Variants in PCNX4 observed in about 807,000 individuals in gnomAD.
The protein encoded by PCNX4 is pecanex 4.
Under a neutral mutation model 107.2 loss-of-function variants are expected in PCNX4, and 103 were observed. That is an observed-to-expected ratio of 0.96 (90% CI 0.82 to 1.13). The LOEUF (loss-of-function observed/expected upper bound fraction) is 1.13. Among genes scored for constraint, PCNX4 ranks in the 50% most tolerant of loss-of-function variants. The pLI, the probability that PCNX4 is intolerant of heterozygous loss-of-function variation, is 0.00. For synonymous variants in PCNX4, 541 were observed against 481.7 expected (o/e 1.12, Z -1.61); for missense variants, 1,528 against 1,379.4 (o/e 1.11, Z -1.71).
Position 60,125,141 on chromosome 14 carries a change from T to G in PCNX4, c.2970T>G (p.Pro990=), listed in dbSNP as rs1192802084. Residue 990 remains proline, a synonymous_variant, in exon 9 of 11, where the codon CCT becomes CCG. Coordinates refer to ENST00000406854, the MANE Select transcript of PCNX4 (RefSeq NM_001330177.2). ...TATTTGGAATAGACAATATGGCTCCTAGTCCTGGTCATATATTGAGAGTTT... is the reference window on the plus strand; with the variant it reads ...TATTTGGAATAGACAATATGGCTCCGAGTCCTGGTCATATATTGAGAGTTT... ...FSLFGIDNMA[P]SPGHILRVYG... is the part of the protein sequence containing the mutation. 3 of 1,612,984 alleles carry G rather than the reference T, an allele frequency of 1.9e-6. No homozygotes were observed. The highest frequency in any genetic ancestry group is 2.5e-6 in the Non-Finnish European group (3 of 1,179,358).
chr14:60,135,486 C>T lies in PCNX4; in HGVS notation c.*1265C>T, dbSNP rs1045365057. ...AATTTACATGATTGAGATTTGCTAG[C>T]TGTACACCTTTATATCTTTGTCATG... On this transcript the variant is annotated 3_prime_UTR_variant, in exon 11 of 11. Coordinates refer to ENST00000406854, the MANE Select transcript of PCNX4 (RefSeq NM_001330177.2). 1.3e-5 allele frequency: 2 copies of T among 151,946 alleles called. No homozygotes were observed. The highest frequency in any genetic ancestry group is 4.8e-5 in the African/African-American group (2 of 41,374). 9.4% of individuals were successfully genotyped at this position (151,946 alleles called of 1,614,324 possible).
intron 1 of PCNX4, among the ~76,000 whole-genome samples, chr14:60,099,470 T>C (rs529336061): frequency 6.6e-6 from 1 of 152,344 alleles, no homozygotes; most frequent in East Asian, 1.9e-4. Flanking sequence ...TTATCTTTCT[T>C]GCTTAATAAT....
chr14:60,104,380 T>C (rs1031475269), intron 1 of PCNX4, among the ~76,000 whole-genome samples: 1 of 151,890 alleles, frequency 6.6e-6, no homozygotes, highest in Non-Finnish European at 1.5e-5. Context: ...CAGCTTCCGT[T>C]TAAGACAGCA....
chr14:60,139,919 C>T lies in PCNX4; in HGVS notation c.*5698C>T, dbSNP rs1476604106. ...CTTATGGTAGACGCCTAAAGCCATG[C>T]TTAGAAGGAAATTTATAGTCTTAAA... On this transcript the variant is annotated 3_prime_UTR_variant, in exon 11 of 11. Coordinates refer to ENST00000406854, the MANE Select transcript of PCNX4 (RefSeq NM_001330177.2). The T allele has an allele frequency of 6.7e-6, 1 of 150,202 alleles. No individual in the cohort carries two copies. The highest frequency in any genetic ancestry group is 1.5e-5 in the Non-Finnish European group (1 of 67,634). The allele number at this position is 150,202 out of a possible 1,614,324, so 9.3% of individuals were successfully genotyped here.
At chr14:60,130,869 A>C (rs1050058277) in intron 10 of PCNX4, among the ~76,000 whole-genome samples, 21 of 152,138 alleles carry the variant, frequency 1.4e-4, no homozygotes, top group African/African-American at 4.1e-4. Context: ...TGGGAGGCCG[A>C]GGCAGGCGGA....
rs555097969 is a variant in PCNX4 at position 60,105,846 on chromosome 14, AC to A, written c.-53-1739del. On this transcript the variant is annotated intron_variant, in intron 1 of 10. Coordinates refer to ENST00000406854, the MANE Select transcript of PCNX4 (RefSeq NM_001330177.2). ...TATCTCAGTAGAGCCAGAAGGGCCA[AC>A]TTTTACCTAACTCCTTGGGGAAATT... Among the ~76,000 whole-genome samples the A allele has an allele frequency of 2.0e-3, 311 of 152,354 alleles. 3 individuals carry two copies. Among genetic ancestry groups the A allele is most frequent in the Non-Finnish European group, 3.1e-3 (213 of 68,046 alleles).
intron 7 of PCNX4, 26 bp from the exon 8 acceptor site, chr14:60,121,170 T>G: frequency 1.3e-6 from 2 of 1,505,986 alleles, no homozygotes; most frequent in Non-Finnish European, 1.8e-6. Flanking sequence ...TCTTTTTTTT[T>G]TTTTTTTTTT....
rs1205703997 is a variant in PCNX4, at chr14:60,115,832, T to C, written c.1458+13T>C. ...AGCCTTTAGAATGGTAATCCTAATA[T>C]GTGTTTAATAGTATTTTCCTATTGC... On this transcript the variant is annotated intron_variant, in intron 5 of 10. Coordinates refer to ENST00000406854, the MANE Select transcript of PCNX4 (RefSeq NM_001330177.2). 1 of 1,602,742 alleles carries C rather than the reference T, an allele frequency of 6.2e-7. No homozygotes were observed. The highest frequency in any genetic ancestry group is 1.3e-5 in the African/African-American group (1 of 74,634).
At chr14:60,128,589 C>A (rs1896097820) in intron 10 of PCNX4, among the ~76,000 whole-genome samples, 1 of 152,120 alleles carries the variant, frequency 6.6e-6, no homozygotes, top group African/African-American at 2.4e-5. Flanking sequence ...ACAAGAAATA[C>A]TAGAGTTCTT....
rs961431028 is a variant in PCNX4 at position 60,137,499 on chromosome 14, C to T, written c.*3278C>T. ...TACCCAGAGCAAATGTAAATCCTCTCTGGACTGATCTTTTGAGTTATTTTT... is the reference window on the plus strand; with the variant it reads ...TACCCAGAGCAAATGTAAATCCTCTTTGGACTGATCTTTTGAGTTATTTTT... On this transcript the variant is annotated 3_prime_UTR_variant, in exon 11 of 11. Coordinates refer to ENST00000406854, the MANE Select transcript of PCNX4 (RefSeq NM_001330177.2). 2.0e-5 allele frequency: 3 copies of T among 152,196 alleles called. No homozygotes were observed. The highest frequency in any genetic ancestry group is 2.0e-4 in the Admixed American group (3 of 15,286). 9.4% of individuals were successfully genotyped at this position (152,196 alleles called of 1,614,324 possible).
rs1895823964 is a variant in PCNX4, at chr14:60,115,270, C to A, written c.1166C>A (p.Ala389Asp). 7 of 1,610,730 alleles carry A rather than the reference C, an allele frequency of 4.3e-6. No homozygotes were observed. The highest frequency in any genetic ancestry group is 5.1e-6 in the Non-Finnish European group (6 of 1,177,272). The change falls in exon 4 of 11, where the codon GCT becomes GAT. Residue 389 changes from alanine to aspartate, a missense_variant. Transcript: ENST00000406854. ...CAGATTTCTAAAAGCAATTCCCAGG[C>A]TATTGTGGGCTATGGTTTGATGATA... ...FSQISKSNSQ[A>D]IVGYGLMILL...
intron 6 of PCNX4, among the ~76,000 whole-genome samples, chr14:60,117,695 G>A (rs190054105): frequency 6.6e-6 from 1 of 152,290 alleles, no homozygotes; most frequent in East Asian, 1.9e-4. Context: ...GGAGGCTGAG[G>A]TGGGCGGAGG....
At chr14:60,107,123 C>T (rs1003950265) in intron 1 of PCNX4, among the ~76,000 whole-genome samples, 1 of 152,128 alleles carries the variant, frequency 6.6e-6, no homozygotes, top group Non-Finnish European at 1.5e-5. Flanking sequence ...TGGCTCATGC[C>T]TGTAATCCCA....
In PCNX4 at chr14:60,108,129, C is replaced by G. The variant is rs760661792; in HGVS notation, c.491C>G (p.Thr164Ser). The G allele has an allele frequency of 1.2e-6, 2 of 1,612,838 alleles. No homozygotes were observed. The highest frequency in any genetic ancestry group is 2.2e-5 in the South Asian group (2 of 91,080). ...TGGTATCTGCTCCCAAATAGAATAA[C>G]CTTGCTGTATGGCAGTACAGGAGGC... ...GTWYLLPNRI[T>S]LLYGSTGGTA... is the part of the protein sequence containing the mutation. The change falls in exon 2 of 11, where the codon ACC (threonine) becomes AGC (serine). Residue 164 changes from threonine to serine, a missense_variant. By Grantham distance (58) the Thr-to-Ser change is moderately conservative. Transcript: ENST00000406854.
At position 60,115,965 on chromosome 14, in the gene PCNX4, T is replaced by C. The variant is rs1173817043; in HGVS notation, c.1483T>C (p.Leu495=). Reference sequence around the variant, plus strand: ...GGTATGGCAGAATACAGAAAATGCTTTATTGGAGACAGTCATTGTATCAAC... The same window carrying C: ...GGTATGGCAGAATACAGAAAATGCTCTATTGGAGACAGTCATTGTATCAAC... ...RMVWQNTENA[L]LETVIVSTVH... Residue 495 remains leucine (L), a synonymous_variant, in exon 6 of 11, where the codon TTA becomes CTA. Coordinates refer to ENST00000406854, the MANE Select transcript of PCNX4 (RefSeq NM_001330177.2). The C allele has an allele frequency of 3.7e-6, 6 of 1,611,558 alleles. No homozygotes were observed. The East Asian group carries it at 1.1e-4, about 30-fold the overall frequency.
At chr14:60,130,524 A>C (rs1348638122) in intron 10 of PCNX4, among the ~76,000 whole-genome samples, 2 of 152,124 alleles carry the variant, frequency 1.3e-5, no homozygotes, top group African/African-American at 4.8e-5. Context: ...AGAAGACAAG[A>C]ATGTCTACCC....
intron 10 of PCNX4, among the ~76,000 whole-genome samples, chr14:60,132,252 C>G (rs1011938783): frequency 1.3e-5 from 2 of 152,170 alleles, no homozygotes; most frequent in Non-Finnish European, 2.9e-5. Flanking sequence ...TCTATACTCT[C>G]ATGTGTCAAT....
chr14:60,113,632 G>C (rs917354977), intron 2 of PCNX4, among the ~76,000 whole-genome samples: 2 of 152,114 alleles, frequency 1.3e-5, no homozygotes, highest in South Asian at 4.1e-4. Context: ...GCCTCCCAAA[G>C]TGCTGGGATT....
intron 7 of PCNX4, among the ~76,000 whole-genome samples, chr14:60,119,466 A>G (rs867644488): frequency 6.6e-6 from 1 of 152,224 alleles, no homozygotes; most frequent in Non-Finnish European, 1.5e-5. Context: ...CAGAGTAACA[A>G]TTTAAGATTA....
Sources: gnomAD v4.1 joint callset for allele counts (sites outside exome capture counted in the v4.1 genomes callset) on GRCh38, gnomAD v4.1.1 for gene constraint, MANE v1.5 for transcripts, NCBI Gene and HGNC (gene_info 2026-07-23, HGNC 2026-07-21) for gene names.